CNTN5: variants seen among roughly 807,000 people sequenced by gnomAD.
CNTN5 encodes the protein contactin-5.
Under a neutral mutation model 129.1 loss-of-function variants are expected in CNTN5, and 77 were observed. That is an observed-to-expected ratio of 0.60 (90% confidence interval 0.50 to 0.72). CNTN5 has a LOEUF of 0.72. Ranked by LOEUF, CNTN5 falls within the 30% of genes least tolerant of loss-of-function variation. The pLI is 0.00. For synonymous variants in CNTN5, 509 were observed against 465.6 expected (o/e 1.09, Z -1.20); for missense variants, 1,478 against 1,328.8 (o/e 1.11, Z -1.75).
Position 99,819,450 on chromosome 11 carries a change from T to A in CNTN5, c.56-94T>A. 8.2e-6 allele frequency: 9 copies of A among 1,093,898 alleles called. No homozygotes were observed. In the South Asian group the frequency reaches 1.3e-4, roughly 16 times the overall value. 67.8% of individuals were successfully genotyped at this position (1,093,898 alleles called of 1,614,324 possible). ...AATTTGCTTGCAGCTCCAAAGAAGGTTTTTAGTAATGTCTTCAAAGAAACA... is the reference window on the plus strand; with the variant it reads ...AATTTGCTTGCAGCTCCAAAGAAGGATTTTAGTAATGTCTTCAAAGAAACA... On this transcript the variant is annotated intron_variant, in intron 3 of 24. Coordinates refer to ENST00000524871, the MANE Select transcript of CNTN5 (RefSeq NM_014361.4).
chr11:99,080,723 G>A (rs1043715029), intron 1 of CNTN5, among the ~76,000 whole-genome samples: 2 of 152,172 alleles, frequency 1.3e-5, no homozygotes, highest in African/African-American at 4.8e-5. Flanking sequence ...AATCTCTGAG[G>A]AAGAGAGGAA....
chr11:99,382,844 A>AGTTTTTTTTTTTTTTTTTTTTTTTTT lies in CNTN5; in HGVS notation c.-71+57360_-71+57361insGTTTTTTTTTTTTTTTTTTTTTTTTT. Among the ~76,000 whole-genome samples, 2 of 69,402 alleles carry AGTTTTTTTTTTTTTTTTTTTTTTTTT rather than the reference A, an allele frequency of 2.9e-5. 1 individual carries two copies. The highest frequency in any genetic ancestry group is 4.7e-5 in the Non-Finnish European group (2 of 42,160). 45.5% of individuals were successfully genotyped at this position (69,402 alleles called of 152,430 possible). On this transcript the variant is annotated intron_variant, in intron 2 of 24. Transcript: ENST00000524871. ...CACATCTCACTAGTGTCTCTAAATA[A>AGTTTTTTTTTTTTTTTTTTTTTTTTT]CTTTTTTTTTTTTTTTTTTTTTTTT... is the stretch of plus-strand genomic sequence containing the variant.
rs1274330957 is a variant in CNTN5 at position 100,086,164 on chromosome 11, G to C, written c.1580+11870G>C. Among the ~76,000 whole-genome samples the C allele has an allele frequency of 2.0e-5, 3 of 151,682 alleles. No individual in the cohort carries two copies. In the East Asian group the frequency reaches 5.8e-4, roughly 29 times the overall value. The stretch of plus-strand genomic sequence containing the variant: ...AGTAGCCAAGAGGTAGTCTTTGAAA[G>C]ACTCAGTTCACATCTTTTTGAATTA... On this transcript the variant is annotated intron_variant, in intron 13 of 24. Coordinates refer to ENST00000524871, the MANE Select transcript of CNTN5 (RefSeq NM_014361.4).
At chr11:99,815,799 G>C (rs1282254244) in intron 3 of CNTN5, among the ~76,000 whole-genome samples, 1 of 152,110 alleles carries the variant, frequency 6.6e-6, no homozygotes, top group Non-Finnish European at 1.5e-5. Flanking sequence ...CACTTTCTCT[G>C]TTGAAATTCA....
chr11:99,731,426 T>A (rs957298551), intron 3 of CNTN5, among the ~76,000 whole-genome samples: 2 of 152,198 alleles, frequency 1.3e-5, no homozygotes, highest in Non-Finnish European at 2.9e-5. Context: ...CTCTTTGTCA[T>A]GGAGTTAGAA....
intron 1 of CNTN5, among the ~76,000 whole-genome samples, chr11:99,150,270 A>G (rs1859988459): frequency 6.6e-6 from 1 of 152,038 alleles, no homozygotes; most frequent in Non-Finnish European, 1.5e-5. Context: ...CTCATTTGAA[A>G]TCATATATTT....
chr11:99,583,461 G>A (rs1466322931), intron 3 of CNTN5, among the ~76,000 whole-genome samples: 1 of 152,190 alleles, frequency 6.6e-6, no homozygotes, highest in African/African-American at 2.4e-5. Flanking sequence ...CTTGAGCTGT[G>A]GTGGGCTCCA....
At chr11:99,502,522 C>T (rs912068494) in intron 2 of CNTN5, among the ~76,000 whole-genome samples, 1 of 152,098 alleles carries the variant, frequency 6.6e-6, no homozygotes, top group Non-Finnish European at 1.5e-5. Flanking sequence ...CTTGGCACTT[C>T]TTTCTGCTGC....
intron 1 of CNTN5, among the ~76,000 whole-genome samples, chr11:99,207,626 G>A (rs1207126724): frequency 6.6e-6 from 1 of 152,052 alleles, no homozygotes; most frequent in Non-Finnish European, 1.5e-5. Context: ...ATAATACATT[G>A]CTATACTTTG....
chr11:99,971,001 AAATT>A (rs1951235849), intron 8 of CNTN5, among the ~76,000 whole-genome samples: 1 of 152,218 alleles, frequency 6.6e-6, no homozygotes, highest in Non-Finnish European at 1.5e-5. Context: ...AAAGATCATG[AAATT>A]AGTTACTTAC....
At chr11:99,622,303 G>T (rs962121725) in intron 3 of CNTN5, among the ~76,000 whole-genome samples, 6 of 152,100 alleles carry the variant, frequency 3.9e-5, no homozygotes, top group Non-Finnish European at 8.8e-5. Flanking sequence ...AAACAAGCTT[G>T]CAATCAATTT....
chr11:100,264,821 A>G (rs1950269975), intron 17 of CNTN5, among the ~76,000 whole-genome samples: 1 of 152,134 alleles, frequency 6.6e-6, no homozygotes, highest in Admixed American at 6.6e-5. Flanking sequence ...GTCTTCCCCA[A>G]GGGTCGAGCT....
chr11:99,800,595 G>A (rs1359671350), intron 3 of CNTN5, among the ~76,000 whole-genome samples: 1 of 152,092 alleles, frequency 6.6e-6, no homozygotes, highest in Admixed American at 6.6e-5. Context: ...AGGTCTAAAA[G>A]TACTTCTTTT....
intron 3 of CNTN5, among the ~76,000 whole-genome samples, chr11:99,727,497 T>A (rs1243487473): frequency 2.0e-5 from 3 of 151,882 alleles, no homozygotes; most frequent in Admixed American, 6.6e-5. Context: ...TCATAGTTAT[T>A]ATATTATCCC....
At chr11:99,587,342 G>T (rs922079728) in intron 3 of CNTN5, among the ~76,000 whole-genome samples, 1 of 152,156 alleles carries the variant, frequency 6.6e-6, no homozygotes, top group African/African-American at 2.4e-5. Flanking sequence ...ACATGTGGAG[G>T]ATCTAAACAA....
intron 2 of CNTN5, among the ~76,000 whole-genome samples, chr11:99,417,052 T>A (rs567152021): frequency 1.2e-4 from 18 of 152,312 alleles, no homozygotes; most frequent in Admixed American, 7.8e-4. Flanking sequence ...AAACGCAAAT[T>A]GACTTTAAAA....
chr11:99,854,399 A>G (rs930510069), intron 6 of CNTN5, among the ~76,000 whole-genome samples: 1 of 152,228 alleles, frequency 6.6e-6, no homozygotes, highest in Admixed American at 6.5e-5. Flanking sequence ...AGGAATATGT[A>G]TCCAGAGAAC....
chr11:99,708,519 A>G (rs1954844647), intron 3 of CNTN5, among the ~76,000 whole-genome samples: 1 of 151,730 alleles, frequency 6.6e-6, no homozygotes, highest in Non-Finnish European at 1.5e-5. Context: ...TTCTGTACAT[A>G]TTGTTTATAA....
chr11:99,540,050 G>A (rs1175557938), intron 2 of CNTN5, among the ~76,000 whole-genome samples: 3 of 152,144 alleles, frequency 2.0e-5, no homozygotes, highest in African/African-American at 4.8e-5. Flanking sequence ...CTGAGAAAAT[G>A]TGAACAAGTC....
Sources: gnomAD v4.1 joint callset for allele counts (sites outside exome capture counted in the v4.1 genomes callset) on GRCh38, gnomAD v4.1.1 for gene constraint, MANE v1.5 for transcripts, NCBI Gene and HGNC (gene_info 2026-07-23, HGNC 2026-07-21) for gene names.